PRKG1: variants seen among roughly 807,000 people sequenced by gnomAD.
The protein encoded by PRKG1 is protein kinase cGMP-dependent 1, also known as cGMP-dependent protein kinase 1.
A neutral mutation model predicts 88.1 loss-of-function variants in PRKG1; 35 were observed. The ratio of observed to expected loss-of-function variants is 0.40; its 90% CI spans 0.30 to 0.53. The LOEUF (loss-of-function observed/expected upper bound fraction) is 0.53. Among genes scored for constraint, PRKG1 ranks in the 20% least tolerant of loss-of-function variants. The pLI is 0.59. For missense variants in PRKG1, 540 were observed against 839.8 expected (o/e 0.64, Z 4.41); for synonymous variants, 303 against 292.5 (o/e 1.04, Z -0.37).
chr10:51,167,968 G>A (rs1846594610), intron 2 of PRKG1, among the ~76,000 whole-genome samples: 1 of 152,144 alleles, frequency 6.6e-6, no homozygotes, highest in African/African-American at 2.4e-5. Flanking sequence ...TCTAATTAAA[G>A]TAGTTGTTTT....
intron 3 of PRKG1, among the ~76,000 whole-genome samples, chr10:51,575,109 C>T (rs556733635): frequency 2.6e-5 from 4 of 151,992 alleles, no homozygotes; most frequent in East Asian, 3.9e-4. Context: ...TGTGAGTTCC[C>T]GAGGGAGCCC....
intron 3 of PRKG1, among the ~76,000 whole-genome samples, chr10:51,694,590 C>G (rs537935444): frequency 3.8e-4 from 58 of 152,260 alleles, no homozygotes; most frequent in African/African-American, 1.3e-3. Context: ...TAAAGTTGAT[C>G]ATTTCATAAT....
At chr10:51,112,232 CAT>C (rs1182805841) in intron 1 of PRKG1, among the ~76,000 whole-genome samples, 1 of 152,054 alleles carries the variant, frequency 6.6e-6, no homozygotes, top group Non-Finnish European at 1.5e-5. Context: ...ACTTTTAAAA[CAT>C]GTACTGGTTT....
At chr10:52,280,463 G>GT (rs1387546855) in intron 12 of PRKG1, among the ~76,000 whole-genome samples, 49 of 152,258 alleles carry the variant, frequency 3.2e-4, no homozygotes, top group African/African-American at 1.1e-3. Flanking sequence ...GCCTACTTCT[G>GT]TAAGTCTGTG....
chr10:52,238,826 T>C (rs1336864784), intron 9 of PRKG1, among the ~76,000 whole-genome samples: 2 of 150,578 alleles, frequency 1.3e-5, no homozygotes, highest in African/African-American at 4.9e-5. Context: ...ACTGGGTATA[T>C]ACCCAAATGA....
chr10:51,210,923 T>C (rs1838198811), intron 2 of PRKG1, among the ~76,000 whole-genome samples: 1 of 152,070 alleles, frequency 6.6e-6, no homozygotes, highest in Non-Finnish European at 1.5e-5. Flanking sequence ...GAAACTATTC[T>C]AATCAATGGA....
At chr10:51,614,773 T>C in intron 3 of PRKG1, among the ~76,000 whole-genome samples, 1 of 152,048 alleles carries the variant, frequency 6.6e-6, no homozygotes, top group Admixed American at 6.6e-5. Flanking sequence ...AGGATTCTCT[T>C]GAGCATTTCT....
intron 2 of PRKG1, among the ~76,000 whole-genome samples, chr10:51,463,531 T>A (rs1435404575): frequency 6.6e-6 from 1 of 152,074 alleles, no homozygotes; most frequent in South Asian, 2.1e-4. Context: ...AGTATAAAAC[T>A]AAAGGAATGG....
At chr10:51,443,578 GT>G (rs1398487080) in intron 2 of PRKG1, among the ~76,000 whole-genome samples, 1 of 151,850 alleles carries the variant, frequency 6.6e-6, no homozygotes, top group African/African-American at 2.4e-5. Context: ...AAGTAAACTT[GT>G]TTTTTTCTTC....
chr10:52,274,324 C>T (rs1422953651), intron 12 of PRKG1, among the ~76,000 whole-genome samples: 1 of 149,102 alleles, frequency 6.7e-6, no homozygotes, highest in Non-Finnish European at 1.5e-5. Context: ...CATTCGTATG[C>T]CTTTGTATCC....
chr10:51,621,825 TC>T (rs1839218888), intron 3 of PRKG1, among the ~76,000 whole-genome samples: 1 of 152,224 alleles, frequency 6.6e-6, no homozygotes, highest in Non-Finnish European at 1.5e-5. Flanking sequence ...TATTTACACT[TC>T]TTAAAATTTA....
At chr10:51,510,569 G>A (rs1286633517) in intron 3 of PRKG1, among the ~76,000 whole-genome samples, 1 of 151,946 alleles carries the variant, frequency 6.6e-6, no homozygotes, top group Non-Finnish European at 1.5e-5. Flanking sequence ...TTTTCTTCAA[G>A]AAATGATCTG....
At chr10:51,611,522 G>T (rs906304470) in intron 3 of PRKG1, among the ~76,000 whole-genome samples, 1 of 151,220 alleles carries the variant, frequency 6.6e-6, no homozygotes, top group Non-Finnish European at 1.5e-5. Flanking sequence ...GTGTATTCTG[G>T]ATATTAGCCC....
chr10:51,843,892 T>C (rs2132785105), intron 4 of PRKG1, among the ~76,000 whole-genome samples: 1 of 152,294 alleles, frequency 6.6e-6, no homozygotes, highest in African/African-American at 2.4e-5. Flanking sequence ...AGCTTCTTTT[T>C]CCATTTGAGA....
At chr10:51,591,176 C>G (rs1337990153) in intron 3 of PRKG1, among the ~76,000 whole-genome samples, 2 of 152,054 alleles carry the variant, frequency 1.3e-5, no homozygotes, top group Admixed American at 1.3e-4. Flanking sequence ...CCTGTGTGTG[C>G]ACACATACAC....
intron 4 of PRKG1, among the ~76,000 whole-genome samples, chr10:51,875,340 T>G (rs1029367552): frequency 6.6e-6 from 1 of 152,042 alleles, no homozygotes; most frequent in Non-Finnish European, 1.5e-5. Flanking sequence ...CATGAGAATC[T>G]TAATAGACCA....
At chr10:52,068,294 G>A (rs1376697604) in intron 7 of PRKG1, among the ~76,000 whole-genome samples, 2 of 148,140 alleles carry the variant, frequency 1.4e-5, no homozygotes, top group African/African-American at 2.5e-5. Flanking sequence ...ATTCTAAACC[G>A]AATATTCACT....
intron 5 of PRKG1, among the ~76,000 whole-genome samples, chr10:52,033,692 T>C (rs1372377014): frequency 6.6e-6 from 1 of 152,046 alleles, no homozygotes; most frequent in African/African-American, 2.4e-5. Context: ...GGAGGGAGGA[T>C]TATGAAAGTA....
At chr10:51,721,180 C>T (rs564489790) in intron 3 of PRKG1, among the ~76,000 whole-genome samples, 1 of 147,194 alleles carries the variant, frequency 6.8e-6, no homozygotes, top group Admixed American at 6.9e-5. Flanking sequence ...TGCCACTGCA[C>T]TCCAGCCTCT....
Sources: allele counts gnomAD v4.1 joint callset (sites outside exome capture counted in the v4.1 genomes callset), GRCh38; gene constraint gnomAD v4.1.1; transcripts MANE v1.5; gene names NCBI Gene and HGNC (gene_info 2026-07-23, HGNC 2026-07-21).